The following ZNF483 variants were observed in gnomAD, a reference collection of about 807,000 sequenced individuals.
ZNF483 encodes zinc finger protein 483.
In ZNF483, 9 loss-of-function variants were observed where a neutral mutation model predicts 28.6. That is an observed-to-expected ratio of 0.32 (90% CI 0.19 to 0.55). ZNF483 has a LOEUF of 0.55. Among genes scored for constraint, ZNF483 ranks in the 20% least tolerant of loss-of-function variants. ZNF483 has a pLI of 0.93. For synonymous variants in ZNF483, 322 were observed against 306.2 expected, an observed-to-expected ratio of 1.05 and a Z score of -0.54; for missense variants, 675 against 871.7, an observed-to-expected ratio of 0.77 and a Z score of 2.84.
At chr9:111,555,542 AAAG>A (rs1828096795), downstream of ZNF483, among the ~76,000 whole-genome samples, 1 of 152,140 alleles carries the variant, frequency 6.6e-6, no homozygotes, top group East Asian at 1.9e-4. Context: ...TTTATGAAGA[AAAG>A]AGGCTTAACT....
rs189769145 is a variant in ZNF483 at position 111,551,440 on chromosome 9, C to G, written c.*8270C>G. On this transcript the variant is annotated 3_prime_UTR_variant, in exon 6 of 6. Coordinates refer to ENST00000309235, the MANE Select transcript of ZNF483 (RefSeq NM_133464.5). ...TTTTTTTTTTTGAGATGGAGTCTCA[C>G]TCTGTTGCCCAGGCTGGAGTGCAGT... 1.6e-5 allele frequency among the ~76,000 whole-genome samples: 2 copies of G among 125,440 alleles called. No individual in the cohort carries two copies. Among genetic ancestry groups the G allele is most frequent in the South Asian group, 5.7e-4 (2 of 3,538 alleles). The allele number at this position is 125,440 out of a possible 152,430, so 82.3% of individuals were successfully genotyped here.
chr9:111,557,531 C>T (rs1021935455), downstream of ZNF483, among the ~76,000 whole-genome samples: 5 of 151,836 alleles, frequency 3.3e-5, no homozygotes, highest in Admixed American at 6.6e-5. Flanking sequence ...CTGCAACCTC[C>T]GCCTCCCGGG....
rs1564608124 is a variant in ZNF483, at chr9:111,561,150, A to AGAGAGG, written c.722-15210_722-15209insGGAGAG. Among the ~76,000 whole-genome samples, 77 of 23,962 alleles carry AGAGAGG rather than the reference A, an allele frequency of 3.2e-3. 8 individuals carry two copies. The highest frequency in any genetic ancestry group is 4.1e-3 in the Non-Finnish European group (47 of 11,400). The allele number at this position is 23,962 out of a possible 152,430, so 15.7% of individuals were successfully genotyped here. On this transcript the variant is annotated intron_variant, in intron 5 of 5. Coordinates refer to the ZNF483 transcript ENST00000358151. ...AGAGAGAGAGAGAGGAGAGAGAGGGAGAGAGAGAGAGAGAGAGAGAGAGAG... is the reference window on the plus strand; with the variant it reads ...AGAGAGAGAGAGAGGAGAGAGAGGGAGAGAGGGAGAGAGAGAGAGAGAGAGAGAGAG...
rs534318986 is a variant in ZNF483 at position 111,527,111 on chromosome 9, A to G, written c.-128-157A>G. Among the ~76,000 whole-genome samples the G allele has an allele frequency of 1.8e-3, 274 of 152,264 alleles. 3 individuals carry two copies. Among genetic ancestry groups the G allele is most frequent in the East Asian group, 2.3e-3 (12 of 5,188 alleles). ...GAGCGAAACTCCGTCTCAAAAAAAA[A>G]AAGAAAGAAAGTTATCCTTTTAATT... is the stretch of plus-strand genomic sequence containing the variant. On this transcript the variant is annotated intron_variant, in intron 1 of 5. Coordinates refer to ENST00000309235, the MANE Select transcript of ZNF483 (RefSeq NM_133464.5).
At chr9:111,572,506 C>T (rs979135879) in intron 5 of ZNF483, among the ~76,000 whole-genome samples, 20 of 152,124 alleles carry the variant, frequency 1.3e-4, no homozygotes, top group African/African-American at 4.6e-4. Context: ...AGGAGAATCG[C>T]TTGAACCGGG....
chr9:111,530,784 T>TCACTTAG (rs1564591181), intron 2 of ZNF483, 91 bp from the exon 3 acceptor site: 3 of 84,358 alleles, frequency 3.6e-5, no homozygotes, highest in African/African-American at 1.7e-4. Context: ...TATATATATA[T>TCACTTAG]ATATATATAT....
At chr9:111,573,946 G>A (rs978483194) in intron 5 of ZNF483, among the ~76,000 whole-genome samples, 8 of 152,158 alleles carry the variant, frequency 5.3e-5, no homozygotes, top group African/African-American at 1.9e-4. Flanking sequence ...ATGGAGGGAA[G>A]CTGCTGCTCC....
chr9:111,571,915 A>G (rs1007398412), intron 5 of ZNF483, among the ~76,000 whole-genome samples: 1 of 152,192 alleles, frequency 6.6e-6, no homozygotes, highest in Non-Finnish European at 1.5e-5. Flanking sequence ...TGCAGCCTGT[A>G]AAGAAGATAC....
intron 5 of ZNF483, 121 bp downstream of exon 5, chr9:111,534,474 C>T: frequency 6.3e-6 from 5 of 791,996 alleles, no homozygotes; most frequent in South Asian, 1.9e-5. Flanking sequence ...GAATAGAGCC[C>T]TTGCCTTCCT....
At position 111,547,210 on chromosome 9, in the gene ZNF483, T is replaced by C. The variant is rs1016409680; in HGVS notation, c.*4040T>C. Among the ~76,000 whole-genome samples, 2 of 152,150 alleles carry C rather than the reference T, an allele frequency of 1.3e-5. No individual in the cohort carries two copies. Among genetic ancestry groups the C allele is most frequent in the Non-Finnish European group, 2.9e-5 (2 of 67,998 alleles). ...ATAGAATTGCTGGATCTTATGATGATTCTATATTTAACTTCTTGAGGAAGT... is the reference window on the plus strand; with the variant it reads ...ATAGAATTGCTGGATCTTATGATGACTCTATATTTAACTTCTTGAGGAAGT... On this transcript the variant is annotated 3_prime_UTR_variant, in exon 6 of 6. Coordinates refer to ENST00000309235, the MANE Select transcript of ZNF483 (RefSeq NM_133464.5).
rs374670812 is a variant in ZNF483 at position 111,549,271 on chromosome 9, T to C, written c.*6101T>C. Among the ~76,000 whole-genome samples, 41 of 152,360 alleles carry C rather than the reference T, an allele frequency of 2.7e-4. No individual in the cohort carries two copies. The South Asian group carries it at 8.3e-3, about 31-fold the overall frequency. ...ACTGGGGAGAAATATCTTACAATTCTGAAAACACACTGTCAAAATGCTTTT... is the reference window on the plus strand; with the variant it reads ...ACTGGGGAGAAATATCTTACAATTCCGAAAACACACTGTCAAAATGCTTTT... On this transcript the variant is annotated 3_prime_UTR_variant, in exon 6 of 6. Transcript: ENST00000309235.
intron 5 of ZNF483, among the ~76,000 whole-genome samples, chr9:111,561,110 T>TATATATAG (rs1457364862): frequency 9.4e-4 from 18 of 19,198 alleles, no homozygotes; most frequent in Admixed American, 1.2e-3. Flanking sequence ...TATATATATA[T>TATATATAG]AGAGAGAGAG....
chr9:111,556,417 A>AG (rs1226323092), downstream of ZNF483, among the ~76,000 whole-genome samples: 1 of 152,220 alleles, frequency 6.6e-6, no homozygotes, highest in Non-Finnish European at 1.5e-5. Context: ...TCCACTGTGT[A>AG]GGGGGCTCCA....
At chr9:111,570,229 T>C in intron 5 of ZNF483, 1 of 1,607,260 alleles carries the variant, frequency 6.2e-7, no homozygotes, top group Non-Finnish European at 8.5e-7. Flanking sequence ...GAAGGGCACA[T>C]TTGGGTGGCA....
At chr9:111,562,266 A>T (rs1291517848) in intron 5 of ZNF483, among the ~76,000 whole-genome samples, 2 of 149,214 alleles carry the variant, frequency 1.3e-5, no homozygotes, top group Non-Finnish European at 3.0e-5. Flanking sequence ...AAGGTCACAG[A>T]AGCAGTAAAC....
At chr9:111,559,358 C>T (rs1228175336), downstream of ZNF483, among the ~76,000 whole-genome samples, 1 of 151,846 alleles carries the variant, frequency 6.6e-6, no homozygotes, top group Admixed American at 6.6e-5. Flanking sequence ...CCAGGCAGCC[C>T]TGCGATTCCA....
In ZNF483 at chr9:111,551,759, T is replaced by C. The variant is rs1827964536; in HGVS notation, c.*8589T>C. On this transcript the variant is annotated 3_prime_UTR_variant, in exon 6 of 6. Transcript: ENST00000309235. ...ACAAAACTTTTATTAGAAAAATTCA[T>C]TTAATATCTAGGCAAAATTATATCA... Among the ~76,000 whole-genome samples the C allele has an allele frequency of 6.6e-6, 1 of 152,240 alleles. No homozygotes were observed. Among genetic ancestry groups the C allele is most frequent in the Non-Finnish European group, 1.5e-5 (1 of 68,046 alleles).
At chr9:111,573,065 G>T (rs77928057) in intron 5 of ZNF483, among the ~76,000 whole-genome samples, 1 of 152,078 alleles carries the variant, frequency 6.6e-6, no homozygotes, top group Non-Finnish European at 1.5e-5. Flanking sequence ...GATTAAAATG[G>T]AACGGACAAG....
At chr9:111,528,100 T>C in intron 2 of ZNF483, 1 of 1,280,318 alleles carries the variant, frequency 7.8e-7, no homozygotes, top group Non-Finnish European at 1.0e-6. Context: ...AGTAATTTCT[T>C]TCCCATCCCC....
Sources: gnomAD v4.1 joint callset for allele counts (sites outside exome capture counted in the v4.1 genomes callset) on GRCh38, gnomAD v4.1.1 for gene constraint, MANE v1.5 for transcripts, NCBI Gene and HGNC (gene_info 2026-07-23, HGNC 2026-07-21) for gene names.